Variants in CSMD1 observed in about 807,000 individuals in gnomAD.
The protein encoded by CSMD1 is CUB and sushi domain-containing protein 1.
CSMD1 carries 213 observed loss-of-function variants against 417.5 expected under a neutral mutation model. That is an observed-to-expected ratio of 0.51 (90% CI 0.46 to 0.57). The LOEUF (loss-of-function observed/expected upper bound fraction) is 0.57, where lower values mean the gene tolerates loss of function less well. Among genes scored for constraint, CSMD1 ranks in the 20% least tolerant of loss-of-function variants. The pLI is 0.00. For synonymous variants in CSMD1, 2,862 were observed against 1,736.8 expected, an observed-to-expected ratio of 1.65 and a Z score of -16.11; for missense variants, 6,923 against 4,529.7, an observed-to-expected ratio of 1.53 and a Z score of -15.17.
chr8:3,065,669 C>T (rs772684504), intron 49 of CSMD1, among the ~76,000 whole-genome samples: 109 of 152,120 alleles, frequency 7.2e-4, no homozygotes, highest in Non-Finnish European at 9.1e-4. Context: ...ATTGATCAAT[C>T]GCTAGGTTGA....
chr8:3,808,916 C>T (rs984205844), intron 5 of CSMD1, among the ~76,000 whole-genome samples: 1 of 152,100 alleles, frequency 6.6e-6, no homozygotes, highest in East Asian at 1.9e-4. Flanking sequence ...GTCAGGCAAG[C>T]CTCAATTCCG....
At chr8:4,122,404 C>T (rs1449712566) in intron 3 of CSMD1, among the ~76,000 whole-genome samples, 2 of 152,108 alleles carry the variant, frequency 1.3e-5, no homozygotes, top group African/African-American at 4.8e-5. Context: ...CAACATGATC[C>T]CATTAAATAT....
chr8:3,661,177 A>G (rs981778452), intron 7 of CSMD1, among the ~76,000 whole-genome samples: 8 of 152,190 alleles, frequency 5.3e-5, no homozygotes, highest in Non-Finnish European at 1.2e-4. Context: ...GATGAATTGC[A>G]ACTAACTGAA....
At chr8:4,045,696 G>C (rs955695006) in intron 3 of CSMD1, among the ~76,000 whole-genome samples, 8 of 152,196 alleles carry the variant, frequency 5.3e-5, no homozygotes, top group African/African-American at 1.9e-4. Context: ...AAGAGTCAAA[G>C]CAGTAACCAT....
intron 2 of CSMD1, among the ~76,000 whole-genome samples, chr8:4,441,616 T>C (rs1480837663): frequency 6.6e-6 from 1 of 152,190 alleles, no homozygotes; most frequent in East Asian, 1.9e-4. Flanking sequence ...GCTGAAGTTC[T>C]TCACCACCTA....
At position 4,578,332 on chromosome 8, in the gene CSMD1, A is replaced by ATTTTT. The variant is rs1172600205; in HGVS notation, c.302+59005_302+59009dup. 3.3e-4 allele frequency among the ~76,000 whole-genome samples: 16 copies of ATTTTT among 48,768 alleles called. 1 individual carries two copies. The highest frequency in any genetic ancestry group is 1.4e-3 in the South Asian group (1 of 726). 32.0% of individuals were successfully genotyped at this position (48,768 alleles called of 152,430 possible). The stretch of plus-strand genomic sequence containing the variant: ...AGGCACCTGCCACGACACCCGGCTC[A>ATTTTT]TTTTTTTTTTTTTTTTTTTTTTTTT... On this transcript the variant is annotated intron_variant, in intron 2 of 69. Transcript: ENST00000635120.
intron 3 of CSMD1, among the ~76,000 whole-genome samples, chr8:4,213,458 C>G (rs138082408): frequency 6.6e-6 from 1 of 152,178 alleles, no homozygotes; most frequent in African/African-American, 2.4e-5. Flanking sequence ...GGAACAGTTG[C>G]CCGGATACTG....
intron 3 of CSMD1, among the ~76,000 whole-genome samples, chr8:4,399,061 G>A (rs75829722): frequency 0.12 from 18,444 of 152,128 alleles, 1,486 homozygotes; most frequent in Non-Finnish European, 0.18. Context: ...AATCTCAGTC[G>A]TAACATTCAC....
At chr8:4,768,746 G>C (rs144657126) in intron 1 of CSMD1, among the ~76,000 whole-genome samples, 1 of 152,196 alleles carries the variant, frequency 6.6e-6, no homozygotes, top group Non-Finnish European at 1.5e-5. Flanking sequence ...CCTCTCCTTA[G>C]TGATGCTACT....
chr8:3,752,692 A>AAAAAC (rs1554531815), intron 6 of CSMD1, among the ~76,000 whole-genome samples: 55 of 66,438 alleles, frequency 8.3e-4, no homozygotes, highest in African/African-American at 2.3e-3. Context: ...AAAAAAAAAA[A>AAAAAC]AAAAAAAAAA....
At chr8:4,350,637 TTGC>T (rs1288551586) in intron 3 of CSMD1, among the ~76,000 whole-genome samples, 27 of 152,194 alleles carry the variant, frequency 1.8e-4, no homozygotes, top group Admixed American at 1.8e-3. Context: ...GGCTAGAGAA[TTGC>T]GAGTTGACTC....
intron 7 of CSMD1, among the ~76,000 whole-genome samples, chr8:3,703,468 ATT>A (rs1800988876): frequency 6.6e-6 from 1 of 151,908 alleles, no homozygotes; most frequent in Non-Finnish European, 1.5e-5. Context: ...TCATTCATTC[ATT>A]CATTCATTCA....
At chr8:4,163,469 A>G (rs1426952793) in intron 3 of CSMD1, among the ~76,000 whole-genome samples, 5 of 152,148 alleles carry the variant, frequency 3.3e-5, no homozygotes, top group African/African-American at 1.2e-4. Flanking sequence ...TGTGTGAGTT[A>G]CTTTTATTTA....
At chr8:4,809,492 A>G (rs1171752705) in intron 1 of CSMD1, among the ~76,000 whole-genome samples, 5 of 152,184 alleles carry the variant, frequency 3.3e-5, no homozygotes, top group Admixed American at 1.3e-4. Flanking sequence ...GATTGCCAAT[A>G]GACATGAATA....
chr8:3,710,946 T>A (rs1585115124), intron 6 of CSMD1, among the ~76,000 whole-genome samples: 1 of 151,962 alleles, frequency 6.6e-6, no homozygotes, highest in African/African-American at 2.4e-5. Context: ...AGGAGGAGGG[T>A]GAGATCCCGA....
intron 2 of CSMD1, among the ~76,000 whole-genome samples, chr8:4,617,316 CA>C (rs747187499): frequency 9.2e-5 from 14 of 152,142 alleles, no homozygotes; most frequent in Non-Finnish European, 1.9e-4. Context: ...CAGATATAAC[CA>C]AAAATATTCA....
chr8:3,693,904 G>A (rs111605261), intron 7 of CSMD1, among the ~76,000 whole-genome samples: 2,902 of 151,026 alleles, frequency 0.019, 99 homozygotes, highest in African/African-American at 0.067. Context: ...GTGTGTTGGC[G>A]TCTTGTGTGT....
At chr8:3,629,121 C>G (rs1203451484) in intron 7 of CSMD1, among the ~76,000 whole-genome samples, 1 of 152,118 alleles carries the variant, frequency 6.6e-6, no homozygotes, top group Non-Finnish European at 1.5e-5. Flanking sequence ...GGAGACACCT[C>G]AGGCATGACG....
At chr8:4,850,243 C>G (rs1306021937) in intron 1 of CSMD1, among the ~76,000 whole-genome samples, 2 of 152,130 alleles carry the variant, frequency 1.3e-5, no homozygotes, top group African/African-American at 4.8e-5. Context: ...TCCAAGAGTA[C>G]TTTCTATGTT....
Sources: allele counts gnomAD v4.1 joint callset (sites outside exome capture counted in the v4.1 genomes callset), GRCh38; gene constraint gnomAD v4.1.1; transcripts MANE v1.5; gene names NCBI Gene and HGNC (gene_info 2026-07-23, HGNC 2026-07-21).